The following ARHGAP12 variants were observed in gnomAD, a reference collection of about 807,000 sequenced individuals.
ARHGAP12 encodes Rho GTPase activating protein 12, also known as rho GTPase-activating protein 12.
Under a neutral mutation model 108.6 loss-of-function variants are expected in ARHGAP12, and 64 were observed. The observed-to-expected ratio is 0.59, with a 90% CI of 0.48 to 0.73. The LOEUF (loss-of-function observed/expected upper bound fraction) is 0.73, where lower values mean the gene tolerates loss of function less well. Ranked by LOEUF, ARHGAP12 falls within the 30% of genes least tolerant of loss-of-function variation. ARHGAP12 has a pLI of 0.00. For synonymous variants in ARHGAP12, 312 were observed against 337.2 expected (o/e 0.93, Z 0.82); for missense variants, 940 against 1,005.9 (o/e 0.93, Z 0.89).
At chr10:31,905,419 G>A (rs1435674038) in intron 3 of ARHGAP12, among the ~76,000 whole-genome samples, 2 of 152,180 alleles carry the variant, frequency 1.3e-5, no homozygotes, top group East Asian at 1.9e-4. Flanking sequence ...TATCAACAAT[G>A]AAACCATGAG....
At chr10:31,873,621 T>C (rs567230091) in intron 3 of ARHGAP12, among the ~76,000 whole-genome samples, 7 of 152,262 alleles carry the variant, frequency 4.6e-5, no homozygotes, top group African/African-American at 1.7e-4. Context: ...TGTCTTATCA[T>C]TACACATTCT....
chr10:31,890,496 C>T (rs1463678490), intron 3 of ARHGAP12, among the ~76,000 whole-genome samples: 1 of 152,106 alleles, frequency 6.6e-6, no homozygotes, highest in East Asian at 1.9e-4. Flanking sequence ...CCTAAGATTC[C>T]TAACTTTAGA....
chr10:31,917,163 A>G (rs970605471), intron 1 of ARHGAP12, among the ~76,000 whole-genome samples: 2 of 149,816 alleles, frequency 1.3e-5, no homozygotes, highest in East Asian at 3.9e-4. Context: ...TAATCCCAGC[A>G]CTTTGGGGGG....
At chr10:31,807,901 T>C (rs1023194785) in intron 19 of ARHGAP12, 69 bp from the exon 20 acceptor site, 1 of 1,204,668 alleles carries the variant, frequency 8.3e-7, no homozygotes, top group Non-Finnish European at 1.1e-6. Flanking sequence ...AATGGTATTA[T>C]AAACCTAACA....
chr10:31,854,374 A>G (rs984515468), intron 4 of ARHGAP12, among the ~76,000 whole-genome samples, 168 bp from the exon 5 acceptor site: 5 of 152,218 alleles, frequency 3.3e-5, no homozygotes, highest in Non-Finnish European at 7.3e-5. Context: ...GGTACATTGT[A>G]AGAGGTGAGG....
intron 1 of ARHGAP12, among the ~76,000 whole-genome samples, chr10:31,921,333 T>C (rs930521979): frequency 1.3e-5 from 2 of 152,146 alleles, no homozygotes; most frequent in Non-Finnish European, 2.9e-5. Context: ...TGAAAACATG[T>C]AATTTCAAAA....
At chr10:31,898,072 C>T (rs1838777721) in intron 3 of ARHGAP12, among the ~76,000 whole-genome samples, 1 of 152,100 alleles carries the variant, frequency 6.6e-6, no homozygotes, top group Non-Finnish European at 1.5e-5. Context: ...TGCAGTGAGC[C>T]ATGATCGCAC....
intron 4 of ARHGAP12, among the ~76,000 whole-genome samples, chr10:31,860,679 A>G (rs1227698787): frequency 2.6e-5 from 4 of 152,232 alleles, no homozygotes; most frequent in Non-Finnish European, 5.9e-5. Context: ...CTGACTGACA[A>G]AGAGAAAAAA....
chr10:31,871,146 G>C (rs1337348336), intron 3 of ARHGAP12, among the ~76,000 whole-genome samples: 1 of 152,152 alleles, frequency 6.6e-6, no homozygotes, highest in African/African-American at 2.4e-5. Flanking sequence ...GATCTTTAAA[G>C]GAAAATAGGC....
chr10:31,857,739 T>C (rs1482919132), intron 4 of ARHGAP12, among the ~76,000 whole-genome samples: 2 of 152,074 alleles, frequency 1.3e-5, no homozygotes, highest in East Asian at 1.9e-4. Flanking sequence ...GCATCAACAA[T>C]GGAAGCCGGA....
At chr10:31,828,740 G>C (rs533310525) in intron 10 of ARHGAP12, among the ~76,000 whole-genome samples, 2 of 151,926 alleles carry the variant, frequency 1.3e-5, no homozygotes, top group Non-Finnish European at 2.9e-5. Flanking sequence ...AAAAACAACT[G>C]ATGTACATAC....
intron 11 of ARHGAP12, among the ~76,000 whole-genome samples, chr10:31,823,863 T>C (rs773449138): frequency 9.2e-5 from 14 of 152,146 alleles, no homozygotes; most frequent in South Asian, 2.1e-4. Flanking sequence ...ATTTTAGCCT[T>C]AGAATCTTAT....
chr10:31,810,123 T>C (rs893553826), intron 16 of ARHGAP12, among the ~76,000 whole-genome samples: 1 of 152,178 alleles, frequency 6.6e-6, no homozygotes, highest in African/African-American at 2.4e-5. Context: ...CTAATGTATA[T>C]AAAACTAGTA....
At chr10:31,841,980 C>A (rs1273209453) in intron 7 of ARHGAP12, among the ~76,000 whole-genome samples, 6 of 151,958 alleles carry the variant, frequency 3.9e-5, no homozygotes, top group African/African-American at 1.4e-4. Context: ...AAGTAAATCT[C>A]TAATCGCAAA....
chr10:31,820,712 TTATATATA>T (rs59605145), intron 11 of ARHGAP12, among the ~76,000 whole-genome samples: 5 of 118,264 alleles, frequency 4.2e-5, no homozygotes, highest in Admixed American at 1.6e-4. Context: ...TTCCATCATA[TTATATATA>T]TATATATATA....
At chr10:31,812,522 CTTTAG>C (rs1240529326) in intron 15 of ARHGAP12, 180 bp downstream of exon 15, 2 of 420,232 alleles carry the variant, frequency 4.8e-6, no homozygotes, top group African/African-American at 4.1e-5. Flanking sequence ...CTGTCCACTA[CTTTAG>C]TTAAAATAAA....
intron 3 of ARHGAP12, among the ~76,000 whole-genome samples, chr10:31,905,497 G>A (rs1010601013): frequency 6.6e-6 from 1 of 152,192 alleles, no homozygotes; most frequent in Non-Finnish European, 1.5e-5. Flanking sequence ...GTTATCATGT[G>A]AGTGGGAAAT....
At chr10:31,863,389 C>T (rs1837206564) in intron 3 of ARHGAP12, among the ~76,000 whole-genome samples, 2 of 152,140 alleles carry the variant, frequency 1.3e-5, no homozygotes, top group Non-Finnish European at 1.5e-5. Context: ...GAAGTTCTTA[C>T]TTTGCTCCTG....
At chr10:31,904,785 C>T (rs533289638) in intron 3 of ARHGAP12, among the ~76,000 whole-genome samples, 2 of 152,108 alleles carry the variant, frequency 1.3e-5, no homozygotes, top group African/African-American at 4.8e-5. Flanking sequence ...TGCCACTACA[C>T]CCATCTAATT....
Sources: allele counts gnomAD v4.1 joint callset (sites outside exome capture counted in the v4.1 genomes callset), GRCh38; gene constraint gnomAD v4.1.1; transcripts MANE v1.5; gene names NCBI Gene and HGNC (gene_info 2026-07-23, HGNC 2026-07-21).